Variants in KIF25 observed in about 807,000 individuals in gnomAD.
KIF25 encodes the protein kinesin family member 25, also known as kinesin-like protein KIF25.
KIF25 carries 19 observed loss-of-function variants against 32.9 expected under a neutral mutation model. The ratio of observed to expected loss-of-function variants is 0.58; its 90% confidence interval spans 0.40 to 0.85. The LOEUF (loss-of-function observed/expected upper bound fraction) is 0.85. Ranked by LOEUF, KIF25 falls within the 40% of genes least tolerant of loss-of-function variation. The pLI is 0.00. For missense variants in KIF25, 485 were observed against 507.0 expected (o/e 0.96, Z 0.42); for synonymous variants, 225 against 213.7 (o/e 1.05, Z -0.46).
In KIF25 at chr6:168,035,337, G is replaced by A. The variant is rs75571894; in HGVS notation, c.317+1306G>A. Among the ~76,000 whole-genome samples, 451 of 146,578 alleles carry A rather than the reference G, an allele frequency of 3.1e-3. 3 individuals are homozygous for A. The highest frequency in any genetic ancestry group is 0.011 in the African/African-American group (437 of 39,708). ...GCACGATGCACAGCCAGTGAGAGCA[G>A]GCGTCGTACATTCCACGGCTGCGTT... On this transcript the variant is annotated intron_variant, in intron 8 of 12. Transcript: ENST00000643607.
At chr6:168,034,542 A>G (rs1798988781) in intron 8 of KIF25, among the ~76,000 whole-genome samples, 1 of 152,180 alleles carries the variant, frequency 6.6e-6, no homozygotes, top group Non-Finnish European at 1.5e-5. Flanking sequence ...TATAGGCATG[A>G]GTCTCCCTGC....
At chr6:168,007,221 G>A (rs1798591533) in intron 4 of KIF25, among the ~76,000 whole-genome samples, 1 of 152,102 alleles carries the variant, frequency 6.6e-6, no homozygotes, top group African/African-American at 2.4e-5. Context: ...CACCAGCCTG[G>A]CCAACATGGT....
Position 168,014,892 on chromosome 6 carries a change from C to T in KIF25, c.-162-3081C>T, listed in dbSNP as rs180949542. ...GGACTGTCTTTGTTCGTCCCTGATT[C>T]TCCCTTATTGTTAAGTTTGACAGTT... is the stretch of plus-strand genomic sequence containing the variant. On this transcript the variant is annotated intron_variant, in intron 4 of 12. Coordinates refer to ENST00000643607, the MANE Select transcript of KIF25 (RefSeq NM_030615.4). 5.2e-3 allele frequency among the ~76,000 whole-genome samples: 795 copies of T among 152,306 alleles called. 6 individuals are homozygous for T. The highest frequency in any genetic ancestry group is 8.4e-3 in the Non-Finnish European group (574 of 68,032).
chr6:168,001,493 A>T (rs1377091458), intron 2 of KIF25, among the ~76,000 whole-genome samples: 1 of 152,282 alleles, frequency 6.6e-6, no homozygotes, highest in Non-Finnish European at 1.5e-5. Context: ...AAATGAATGC[A>T]AATGAAATCC....
rs1798446687 is a variant in KIF25 at position 167,998,126 on chromosome 6, C to T, written c.-1343C>T. ...AAGACAAAGGGAGATATCAGTGAAG[C>T]ACCTGGCACTTCAGAAAGTCTCACT... On this transcript the variant is annotated 5_prime_UTR_variant, in exon 1 of 13. Coordinates refer to ENST00000643607, the MANE Select transcript of KIF25 (RefSeq NM_030615.4). 1 of 151,630 alleles carries T rather than the reference C, an allele frequency of 6.6e-6. No homozygotes were observed. Among genetic ancestry groups the T allele is most frequent in the Non-Finnish European group, 1.5e-5 (1 of 67,962 alleles). The allele number at this position is 151,630 out of a possible 1,614,324, so 9.4% of individuals were successfully genotyped here. A position where few individuals can be genotyped will look rare whatever the true frequency, so the allele number is the denominator to read the frequency against.
At chr6:168,013,637 T>C (rs951962513) in intron 4 of KIF25, among the ~76,000 whole-genome samples, 1 of 151,482 alleles carries the variant, frequency 6.6e-6, no homozygotes, top group African/African-American at 2.4e-5. Context: ...TGAGGGCCTG[T>C]GAGGACTGCA....
chr6:168,030,674 G>A (rs967114570), intron 6 of KIF25, 99 bp from the exon 7 acceptor site: 19 of 775,910 alleles, frequency 2.4e-5, no homozygotes, highest in Non-Finnish European at 3.4e-5. Context: ...GGGGGGATGG[G>A]AAGTACACGG....
chr6:168,043,118 C>G (rs915220234), intron 12 of KIF25, among the ~76,000 whole-genome samples: 2 of 152,268 alleles, frequency 1.3e-5, no homozygotes, highest in Admixed American at 1.3e-4. Context: ...GTGCCAGAAG[C>G]CTGGACGCAA....
chr6:168,033,499 C>CA (rs56253243), intron 7 of KIF25, among the ~76,000 whole-genome samples: 35,183 of 113,500 alleles, frequency 0.31, 4,801 homozygotes, highest in East Asian at 0.5. Context: ...GAATCCGTCT[C>CA]AAAAAAAAAA....
rs2843004 is a variant in KIF25, at chr6:168,007,365, T to C, written c.-163+3662T>C. Among the ~76,000 whole-genome samples, 134 of 152,080 alleles carry C rather than the reference T, an allele frequency of 8.8e-4. 1 individual carries two copies. Among genetic ancestry groups the C allele is most frequent in the Non-Finnish European group, 2.6e-4 (18 of 68,032 alleles). The stretch of plus-strand genomic sequence containing the variant: ...GGCAGAGGCTGCAGTGAGCTGAGAT[T>C]GAATCATTGCACTCCAGCCTGGGCA... On this transcript the variant is annotated intron_variant, in intron 4 of 12. Coordinates refer to ENST00000643607, the MANE Select transcript of KIF25 (RefSeq NM_030615.4).
At chr6:168,008,506 T>C (rs1389106179) in intron 4 of KIF25, among the ~76,000 whole-genome samples, 1 of 152,194 alleles carries the variant, frequency 6.6e-6, no homozygotes, top group African/African-American at 2.4e-5. Flanking sequence ...GAGCAGGTAG[T>C]GTGATTCCTC....
At chr6:168,038,190 C>T (rs145002184) in intron 8 of KIF25, among the ~76,000 whole-genome samples, 1 of 152,308 alleles carries the variant, frequency 6.6e-6, no homozygotes, top group Non-Finnish European at 1.5e-5. Flanking sequence ...AACATCCTTG[C>T]AGCTTGCCTT....
chr6:168,041,933 C>T, intron 10 of KIF25, 36 bp from the exon 11 acceptor site: 1 of 1,545,612 alleles, frequency 6.5e-7, no homozygotes, highest in Admixed American at 2.0e-5. Flanking sequence ...CTTCATGCAA[C>T]TGTTTTCCTC....
chr6:168,001,180 CAGA>C (rs1485862180), intron 2 of KIF25, among the ~76,000 whole-genome samples: 1 of 152,206 alleles, frequency 6.6e-6, no homozygotes, highest in Non-Finnish European at 1.5e-5. Context: ...TGTGTGGGAC[CAGA>C]AGAAGTGTTT....
intron 7 of KIF25, 88 bp from the exon 8 acceptor site, chr6:168,033,794 G>C (rs1483330008): frequency 1.5e-6 from 2 of 1,356,102 alleles, no homozygotes; most frequent in Non-Finnish European, 2.1e-6. Context: ...GAAATGTATT[G>C]AAGTTTCTCA....
intron 5 of KIF25, among the ~76,000 whole-genome samples, chr6:168,018,930 G>C (rs542332374): frequency 6.6e-6 from 1 of 152,210 alleles, no homozygotes; most frequent in Non-Finnish European, 1.5e-5. Flanking sequence ...GAAGGAGGAG[G>C]CCAGGAAAGA....
At chr6:168,002,440 G>A (rs1288255538) in intron 2 of KIF25, 103 bp from the exon 3 acceptor site, 4 of 152,272 alleles carry the variant, frequency 2.6e-5, no homozygotes, top group Non-Finnish European at 4.4e-5. Flanking sequence ...TGGGCTGTTT[G>A]GCTTCTCAGA....
chr6:168,000,834 G>A (rs2114861763), intron 2 of KIF25, among the ~76,000 whole-genome samples: 1 of 152,260 alleles, frequency 6.6e-6, no homozygotes, highest in South Asian at 2.1e-4. Flanking sequence ...CTGTTTTTCT[G>A]GTCTTGGTTT....
At chr6:168,042,497 G>A (rs55935925) in intron 11 of KIF25, 64 bp from the exon 12 acceptor site, 67 of 1,568,616 alleles carry the variant, frequency 4.3e-5, no homozygotes, top group Admixed American at 2.5e-4. Flanking sequence ...CCAAGGAGCC[G>A]GTTTTGCTTT....
Sources: allele counts gnomAD v4.1 joint callset (sites outside exome capture counted in the v4.1 genomes callset), GRCh38; gene constraint gnomAD v4.1.1; transcripts MANE v1.5; gene names NCBI Gene and HGNC (gene_info 2026-07-23, HGNC 2026-07-21).